MAGEC3: variants seen among roughly 807,000 people sequenced by gnomAD.
MAGEC3 encodes melanoma-associated antigen C3.
In MAGEC3, 34 loss-of-function variants were observed where a neutral mutation model predicts 35.3. The observed-to-expected ratio is 0.96, with a 90% CI of 0.73 to 1.28. The LOEUF (loss-of-function observed/expected upper bound fraction) is 1.28, where lower values mean the gene tolerates loss of function less well. Ranked by LOEUF, MAGEC3 falls within the 50% of genes most tolerant of loss-of-function variation. The probability of loss-of-function intolerance (pLI) is 0.00; values close to 1 mark genes in which losing one functional copy is unlikely to be tolerated. For synonymous variants in MAGEC3, 202 were observed against 185.6 expected, an observed-to-expected ratio of 1.09 and a Z score of -0.72; for missense variants, 561 against 483.6, an observed-to-expected ratio of 1.16 and a Z score of -1.50.
intron 4 of MAGEC3, among the ~76,000 whole-genome samples, chrX:141,887,178 G>A (rs1264943535): frequency 8.9e-6 from 1 of 112,581 alleles, no homozygotes. Flanking sequence ...CCCACCAGAA[G>A]CAAATTGCCT....
chrX:141,853,189 A>G (rs758592192), intron 1 of MAGEC3, among the ~76,000 whole-genome samples: 9 of 111,680 alleles, frequency 8.1e-5, no homozygotes, highest in Non-Finnish European at 1.5e-4. Context: ...AGAGGGAAAC[A>G]AAGGTTAAAT....
At chrX:141,894,604 T>C in intron 4 of MAGEC3, 1 of 942,204 alleles carries the variant, frequency 1.1e-6, no homozygotes, top group Non-Finnish European at 1.4e-6. Flanking sequence ...AGTAAAACCT[T>C]GAGGAAGACT....
rs148758714 is a variant in MAGEC3, at chrX:141,869,656, C to T, written c.258+4051C>T. ...CTCCATTTGAGAGCACTTGCTAAGGCGACACAGCTTGATTATAAATCATGT... is the reference window on the plus strand; with the variant it reads ...CTCCATTTGAGAGCACTTGCTAAGGTGACACAGCTTGATTATAAATCATGT... On this transcript the variant is annotated intron_variant, in intron 2 of 7. Transcript: ENST00000298296. Among the ~76,000 whole-genome samples the T allele has an allele frequency of 4.7e-3, 525 of 111,576 alleles. 2 individuals carry two copies. The highest frequency in any genetic ancestry group is 0.014 in the Middle Eastern group (3 of 215).
intron 1 of MAGEC3, among the ~76,000 whole-genome samples, chrX:141,853,634 A>G (rs753899028): frequency 1.8e-5 from 2 of 111,517 alleles, no homozygotes; most frequent in African/African-American, 3.2e-5. Flanking sequence ...GACTTTCACT[A>G]TGAAGAATCG....
At chrX:141,843,911 C>T (rs1490574345) in intron 1 of MAGEC3, among the ~76,000 whole-genome samples, 1 of 110,945 alleles carries the variant, frequency 9.0e-6, no homozygotes, top group East Asian at 2.8e-4. Context: ...GTGCTCTCCT[C>T]AAGCGCATCC....
At chrX:141,894,595 G>A in intron 4 of MAGEC3, 1 of 935,978 alleles carries the variant, frequency 1.1e-6, no homozygotes, top group Non-Finnish European at 1.4e-6. Flanking sequence ...CCTGGAAGGA[G>A]TAAAACCTTG....
intron 1 of MAGEC3, among the ~76,000 whole-genome samples, chrX:141,863,038 C>G (rs890349209): frequency 2.7e-5 from 3 of 111,461 alleles, no homozygotes; most frequent in Non-Finnish European, 5.7e-5. Flanking sequence ...TACATGTAAC[C>G]AGATTTCACA....
intron 1 of MAGEC3, among the ~76,000 whole-genome samples, chrX:141,847,424 T>A (rs1300725828): frequency 1.8e-5 from 2 of 111,298 alleles, no homozygotes; most frequent in Non-Finnish European, 3.8e-5. Flanking sequence ...GATTTCTTAA[T>A]CACTGCCACA....
intron 3 of MAGEC3, among the ~76,000 whole-genome samples, chrX:141,881,198 C>T (rs997152509): frequency 5.4e-5 from 6 of 110,661 alleles, no homozygotes; most frequent in African/African-American, 2.0e-4. Context: ...TCCTCCTCCT[C>T]ATCCTCTACT....
chrX:141,878,167 C>T (rs1603070132), intron 2 of MAGEC3, among the ~76,000 whole-genome samples: 1 of 109,950 alleles, frequency 9.1e-6, no homozygotes, highest in Non-Finnish European at 1.9e-5. Context: ...TTGACTTTGA[C>T]TGGGATTTAT....
In MAGEC3 at chrX:141,897,011, C is replaced by T; in HGVS notation, c.1253C>T (p.Ser418Phe). The part of the protein sequence containing the change: ...PQSPPQSPLD[S>F]CSSPLLWTRL... The stretch of plus-strand genomic sequence containing the variant: ...AGTCCTCCCCAGAGTCCTCTAGACT[C>T]CTGCTCATCCCCTCTTTTGTGGACC... The change falls in exon 7 of 8, where the codon TCC becomes TTC. Residue 418 changes from serine to phenylalanine, a missense_variant. By Grantham distance (155) the Ser-to-Phe change is radical. Transcript: ENST00000298296. 1.7e-6 allele frequency: 2 copies of T among 1,210,329 alleles called. No individual in the cohort carries two copies. Among genetic ancestry groups the T allele is most frequent in the Non-Finnish European group, 2.2e-6 (2 of 894,817 alleles).
chrX:141,880,772 A>G (rs1377937253), intron 3 of MAGEC3: 3 of 949,922 alleles, frequency 3.2e-6, no homozygotes, highest in African/African-American at 3.9e-5. Flanking sequence ...CCAGGGGACA[A>G]ACCCCCTAGG....
chrX:141,839,073 G>A (rs780557381), intron 1 of MAGEC3, among the ~76,000 whole-genome samples: 1 of 111,225 alleles, frequency 9.0e-6, no homozygotes, highest in Non-Finnish European at 1.9e-5. Context: ...TCCTGTGGCT[G>A]GGATTATAGG....
intron 1 of MAGEC3, chrX:141,839,291 T>G: frequency 5.2e-6 from 2 of 385,694 alleles, no homozygotes; most frequent in Non-Finnish European, 6.6e-6. Context: ...CGACTCACCG[T>G]TTGGTTATTT....
At chrX:141,845,457 G>A (rs1314626953) in intron 1 of MAGEC3, among the ~76,000 whole-genome samples, 2 of 110,866 alleles carry the variant, frequency 1.8e-5, no homozygotes, top group South Asian at 7.4e-4. Flanking sequence ...AATAAAAGTC[G>A]TAAATATCAT....
chrX:141,843,205 C>T (rs1224211568), intron 1 of MAGEC3, among the ~76,000 whole-genome samples: 4 of 111,588 alleles, frequency 3.6e-5, no homozygotes, highest in African/African-American at 1.3e-4. Context: ...ACAACAGCTT[C>T]AAGGCTATGT....
chrX:141,862,549 G>A (rs1041988813), intron 1 of MAGEC3, among the ~76,000 whole-genome samples: 1 of 112,285 alleles, frequency 8.9e-6, no homozygotes, highest in African/African-American at 3.2e-5. Flanking sequence ...TCCACCAAGG[G>A]AGAATGGATA....
At chrX:141,868,048 G>A (rs1180731131) in intron 2 of MAGEC3, among the ~76,000 whole-genome samples, 2 of 110,678 alleles carry the variant, frequency 1.8e-5, no homozygotes, top group Non-Finnish European at 3.8e-5. Context: ...GTGTGAACCC[G>A]GGAGGCGGAG....
intron 6 of MAGEC3, 135 bp from the exon 7 acceptor site, chrX:141,896,747 T>C: frequency 8.3e-7 from 1 of 1,211,710 alleles, no homozygotes; most frequent in African/African-American, 1.7e-5. Flanking sequence ...CAGGATTCCA[T>C]AGATGAGGAG....
Sources: gnomAD v4.1 joint callset for allele counts (sites outside exome capture counted in the v4.1 genomes callset) on GRCh38, gnomAD v4.1.1 for gene constraint, MANE v1.5 for transcripts, NCBI Gene and HGNC (gene_info 2026-07-23, HGNC 2026-07-21) for gene names.